The following MYO18B variants were observed in gnomAD, a reference collection of about 807,000 sequenced individuals.
The protein encoded by MYO18B is myosin XVIIIB, also known as unconventional myosin-XVIIIb.
A neutral mutation model predicts 273.0 loss-of-function variants in MYO18B; 204 were observed. The ratio of observed to expected loss-of-function variants is 0.75; its 90% CI spans 0.67 to 0.84. MYO18B has a LOEUF of 0.84. Ranked by LOEUF, MYO18B falls within the 40% of genes least tolerant of loss-of-function variation. The pLI is 0.00. For missense variants in MYO18B, 3,212 were observed against 3,287.6 expected (o/e 0.98, Z 0.56); for synonymous variants, 1,330 against 1,305.7 (o/e 1.02, Z -0.40).
intron 17 of MYO18B, among the ~76,000 whole-genome samples, chr22:25,838,632 C>G (rs375098093): frequency 1.1e-4 from 16 of 152,160 alleles, no homozygotes; most frequent in African/African-American, 3.6e-4. Flanking sequence ...TTACAGTATT[C>G]AGTGTGGTCA....
chr22:26,027,613 G>C lies in MYO18B; in HGVS notation c.7639G>C (p.Glu2547Gln), dbSNP rs117042106. Residue 2547 changes from glutamate (E) to glutamine (Q), a missense_variant, in exon 43 of 44, where the codon GAG becomes CAG. By Grantham distance (29) the Glu-to-Gln change is conservative (BLOSUM62 2). Coordinates refer to ENST00000335473, the MANE Select transcript of MYO18B (RefSeq NM_032608.7). This position sits in a 1 kb window ranked among gnomAD's most constrained non-coding sequence, Gnocchi z 4.1. ...GGERTSPERR[E>Q]PGTGRKDDDV... ...CGAGCGAACGTCCCCCGAGCGGAGAGAGCCAGGGACGGGGAGGAAAGACGA... is the reference window on the plus strand; with the variant it reads ...CGAGCGAACGTCCCCCGAGCGGAGACAGCCAGGGACGGGGAGGAAAGACGA... The C allele has an allele frequency of 1.1e-3, 1,770 of 1,613,926 alleles. 24 individuals are homozygous for C. The South Asian group carries it at 0.013, about 12-fold the overall frequency.
At chr22:25,881,226 A>G (rs1482434202) in intron 25 of MYO18B, among the ~76,000 whole-genome samples, 2 of 152,200 alleles carry the variant, frequency 1.3e-5, no homozygotes. Flanking sequence ...CATTCTCCCC[A>G]CATTAAAGTG....
intron 14 of MYO18B, among the ~76,000 whole-genome samples, chr22:25,828,059 T>A (rs1488871280): frequency 6.6e-6 from 1 of 152,184 alleles, no homozygotes; most frequent in Admixed American, 6.5e-5. Flanking sequence ...ATCATACTCG[T>A]GGTGATGAGA....
chr22:25,837,779 G>A (rs967579989), intron 17 of MYO18B, among the ~76,000 whole-genome samples: 2 of 152,172 alleles, frequency 1.3e-5, no homozygotes, highest in Admixed American at 6.5e-5. Flanking sequence ...CAGAGAGCTC[G>A]GCTCTGCCAG....
intron 37 of MYO18B, among the ~76,000 whole-genome samples, 161 bp downstream of exon 37, chr22:25,950,611 A>T (rs913841914): frequency 2.0e-5 from 3 of 151,484 alleles, no homozygotes; most frequent in Non-Finnish European, 2.9e-5. Flanking sequence ...TCACTCTGTC[A>T]CCCAGACTGG....
intron 27 of MYO18B, 26 bp from the exon 28 acceptor site, chr22:25,895,130 C>T: frequency 6.2e-7 from 1 of 1,608,658 alleles, no homozygotes; most frequent in South Asian, 1.1e-5. Flanking sequence ...GCCTCTTATC[C>T]TGGTCTCCCT....
In MYO18B at chr22:25,846,248, A is replaced by C. The variant is rs755355033; in HGVS notation, c.3517A>C (p.Arg1173=). ...TGCCAGCAGCCTTGCCGCGGTGAGG[A>C]GGAAAGCCCCGTGCTCCCAGATCAA... The part of the protein sequence containing the change: ...TFASSLAAVR[R]KAPCSQIKLQ... Residue 1173 remains arginine (R), a synonymous_variant, in exon 19 of 44, where the codon AGG becomes CGG. Transcript: ENST00000335473. 3 of 1,612,158 alleles carry C rather than the reference A, an allele frequency of 1.9e-6. No homozygotes were observed. The highest frequency in any genetic ancestry group is 2.5e-6 in the Non-Finnish European group (3 of 1,179,812).
intron 40 of MYO18B, among the ~76,000 whole-genome samples, chr22:25,997,226 A>G (rs1314096051): frequency 1.4e-5 from 2 of 143,814 alleles, no homozygotes; most frequent in African/African-American, 2.6e-5. Flanking sequence ...GATGGCTTGA[A>G]CGAGGGAGGC....
Position 25,889,006 on chromosome 22 carries a change from C to T in MYO18B, c.4315-1750C>T, listed in dbSNP as rs749310011. Among the ~76,000 whole-genome samples the T allele has an allele frequency of 8.2e-4, 125 of 151,560 alleles. 2 individuals are homozygous for T. The highest frequency in any genetic ancestry group is 5.2e-4 in the Non-Finnish European group (35 of 67,902). ...AAAAATCAACAGTACAGAAATGCAT[C>T]ACAAGAAAATTGGAGTTCCCTGTGA... On this transcript the variant is annotated intron_variant, in intron 25 of 43. Coordinates refer to ENST00000335473, the MANE Select transcript of MYO18B (RefSeq NM_032608.7).
chr22:25,948,967 C>G (rs2092760634), intron 36 of MYO18B, among the ~76,000 whole-genome samples: 1 of 151,944 alleles, frequency 6.6e-6, no homozygotes, highest in South Asian at 2.1e-4. Context: ...GAGGAAATAG[C>G]ACATACAAAG....
intron 21 of MYO18B, among the ~76,000 whole-genome samples, chr22:25,855,490 A>G (rs576836851): frequency 3.9e-5 from 6 of 152,148 alleles, no homozygotes; most frequent in Admixed American, 6.5e-5. Context: ...TCACCATGTT[A>G]GCCAGGATGA....
rs2087527512 is a variant in MYO18B, at chr22:25,789,073, C to G, written c.2376+3582C>G. 1.7e-4 allele frequency among the ~76,000 whole-genome samples: 3 copies of G among 17,318 alleles called. No individual in the cohort carries two copies. The South Asian group carries it at 4.5e-3, about 26-fold the overall frequency. The allele number at this position is 17,318 out of a possible 152,430, so 11.4% of individuals were successfully genotyped here. Reference sequence around the variant, plus strand: ...TTTTCTTCTCTTTCTCCTCCTCCTCCTCCTTCTTCTTCCTCCTCCTTCTTC... The same window carrying G: ...TTTTCTTCTCTTTCTCCTCCTCCTCGTCCTTCTTCTTCCTCCTCCTTCTTC... On this transcript the variant is annotated intron_variant, in intron 11 of 43. Coordinates refer to ENST00000335473, the MANE Select transcript of MYO18B (RefSeq NM_032608.7).
At chr22:26,037,699 G>C in the MYO18B span, among the ~76,000 whole-genome samples, 1 of 152,194 alleles carries the variant, frequency 6.6e-6, no homozygotes, top group Admixed American at 6.5e-5. Context: ...TTGTTCCATA[G>C]GTGCCCAGCC....
At chr22:25,779,124 G>A (rs2087034427) in intron 8 of MYO18B, among the ~76,000 whole-genome samples, 1 of 152,024 alleles carries the variant, frequency 6.6e-6, no homozygotes, top group Non-Finnish European at 1.5e-5. Context: ...TACATAAAAA[G>A]AGTAAAATTT....
chr22:25,858,539 G>A (rs533376770), intron 21 of MYO18B, among the ~76,000 whole-genome samples: 1 of 152,326 alleles, frequency 6.6e-6, no homozygotes, highest in Non-Finnish European at 1.5e-5. Flanking sequence ...ACAGCCAAAT[G>A]TGAGATGTCA....
chr22:25,863,030 G>A (rs953382086), intron 21 of MYO18B, among the ~76,000 whole-genome samples: 5 of 151,900 alleles, frequency 3.3e-5, no homozygotes, highest in Non-Finnish European at 7.4e-5. Context: ...TCTTCAAATT[G>A]GATAGTTTCT....
intron 12 of MYO18B, among the ~76,000 whole-genome samples, chr22:25,799,892 G>A (rs2088111121): frequency 6.6e-6 from 1 of 152,070 alleles, no homozygotes; most frequent in Admixed American, 6.5e-5. Flanking sequence ...AATCATCCAT[G>A]GACATTCACA....
chr22:26,055,813 A>G, the MYO18B span, among the ~76,000 whole-genome samples: 4 of 152,328 alleles, frequency 2.6e-5, no homozygotes, highest in South Asian at 4.1e-4. Context: ...AGGAGACAGT[A>G]AAAGACTGGT....
intron 17 of MYO18B, among the ~76,000 whole-genome samples, chr22:25,838,913 ATATC>A (rs2089990992): frequency 6.6e-6 from 1 of 151,628 alleles, no homozygotes; most frequent in Admixed American, 6.6e-5. Context: ...GTGTATGTGT[ATATC>A]TGTGTGTGCC....
Sources: gnomAD v4.1 joint callset for allele counts (sites outside exome capture counted in the v4.1 genomes callset) on GRCh38, gnomAD v4.1.1 for gene constraint, Gnocchi (gnomAD v3.1) non-coding constraint, MANE v1.5 for transcripts, NCBI Gene and HGNC (gene_info 2026-07-23, HGNC 2026-07-21) for gene names.